Variants in CDK9 observed in about 807,000 individuals in gnomAD.
CDK9 encodes cyclin-dependent kinase 9.
A neutral mutation model predicts 39.0 loss-of-function variants in CDK9; 34 were observed. The ratio of observed to expected loss-of-function variants is 0.87; its 90% CI spans 0.66 to 1.16. CDK9 has a LOEUF of 1.16. CDK9 is among the 50% of genes most tolerant of loss of function. CDK9 has a pLI of 0.00. For synonymous variants in CDK9, 233 were observed against 196.2 expected (o/e 1.19, Z -1.57); for missense variants, 369 against 503.2 (o/e 0.73, Z 2.55).
intron 2 of CDK9, 160 bp from the exon 3 acceptor site, chr9:127,787,358 G>A: frequency 1.8e-6 from 1 of 547,078 alleles, no homozygotes. Flanking sequence ...CTTGAAGTGT[G>A]CATGCTACTA....
intron 2 of CDK9, 43 bp downstream of exon 2, chr9:127,786,825 G>C (rs1829330467): frequency 2.5e-6 from 4 of 1,572,210 alleles, no homozygotes; most frequent in Non-Finnish European, 3.5e-6. Flanking sequence ...CTAACTGCCC[G>C]GGACCCCGGG....
chr9:127,786,282 C>T (rs780276638), intron 1 of CDK9, 42 bp downstream of exon 1: 6 of 1,494,022 alleles, frequency 4.0e-6, no homozygotes, highest in South Asian at 2.3e-5. Flanking sequence ...TGGGCCTGCA[C>T]CCCTAGGGCC....
chr9:127,788,397 C>G lies in CDK9; in HGVS notation c.604+12C>G. 5 of 1,609,038 alleles carry G rather than the reference C, an allele frequency of 3.1e-6. No individual in the cohort carries two copies. Among genetic ancestry groups the G allele is most frequent in the East Asian group, 2.2e-5 (1 of 44,802 alleles). ...GGAGCTGTTGCTCGGTGAGGACTCC[C>G]GAGCGGGCCAAGGGGGGTGAGGGCC... is the stretch of plus-strand genomic sequence containing the variant. On this transcript the variant is annotated intron_variant, in intron 5 of 6. Coordinates refer to ENST00000373264, the MANE Select transcript of CDK9 (RefSeq NM_001261.4).
chr9:127,788,197 T>C lies in CDK9; in HGVS notation c.433-17T>C, dbSNP rs779013986. ...GGGTGGATGTCACTAAAGGACCCAC[T>C]CTTGCCCTTCCTGCAGATCCTGCAT... On this transcript the variant is annotated splice_polypyrimidine_tract_variant and intron_variant, in intron 4 of 6. Coordinates refer to ENST00000373264, the MANE Select transcript of CDK9 (RefSeq NM_001261.4). 3 of 1,613,920 alleles carry C rather than the reference T, an allele frequency of 1.9e-6. No individual in the cohort carries two copies. The Admixed American group carries it at 5.0e-5, about 27-fold the overall frequency.
Position 127,788,047 on chromosome 9 carries a change from GCTGT to G in CDK9, c.370_373del (p.Ser124ArgfsTer5). On this transcript the variant is annotated frameshift_variant, in exon 4 of 7. Coordinates refer to ENST00000373264, the MANE Select transcript of CDK9 (RefSeq NM_001261.4). LOFTEE classifies it high-confidence loss of function. ...TGAGCAATGTTTTGGTCAAGTTCAC[GCTGT>G]CTGAGATCAAGAGGGTGATGCAGAT... The G allele has an allele frequency of 6.2e-7, 1 of 1,614,190 alleles. No homozygotes were observed. The highest frequency in any genetic ancestry group is 1.1e-5 in the South Asian group (1 of 91,086).
Position 127,787,568 on chromosome 9 carries a change from C to G in CDK9, c.225C>G (p.His75Gln). The G allele has an allele frequency of 6.2e-7, 1 of 1,613,568 alleles. No individual in the cohort carries two copies. The highest frequency in any genetic ancestry group is 8.5e-7 in the Non-Finnish European group (1 of 1,179,510). Reference sequence around the variant, plus strand: ...TCAAGATCCTTCAGCTTCTAAAACACGAGAATGTGGTCAACTTGATTGAGA... The same window carrying G: ...TCAAGATCCTTCAGCTTCTAAAACAGGAGAATGTGGTCAACTTGATTGAGA... ...REIKILQLLK[H>Q]ENVVNLIEIC... Residue 75 changes from histidine to glutamine, a missense_variant, in exon 3 of 7, where the codon CAC becomes CAG. Physicochemically the swap from His to Gln is conservative, Grantham distance 24. Transcript: ENST00000373264.
intron 2 of CDK9, among the ~76,000 whole-genome samples, chr9:127,787,046 A>T (rs765995111): frequency 6.6e-6 from 1 of 152,080 alleles, no homozygotes; most frequent in Non-Finnish European, 1.5e-5. Context: ...ACCTTTTTTT[A>T]GTGTTAAATT....
chr9:127,786,651 C>A, intron 1 of CDK9, 50 bp from the exon 2 acceptor site: 2 of 1,499,202 alleles, frequency 1.3e-6, no homozygotes, highest in South Asian at 1.2e-5. Flanking sequence ...GAGGGGCGGG[C>A]CCTGCGGAAA....
At position 127,787,532 on chromosome 9, in the gene CDK9, C is replaced by A. The variant is rs34238383; in HGVS notation, c.189C>A (p.Ala63=). The change falls in exon 3 of 7, where the codon GCC becomes GCA. Residue 63 remains alanine, a synonymous_variant. Transcript: ENST00000373264. ...ENEKEGFPIT[A]LREIKILQLL... ...TTCTCACCCAGTTCCCCATTACAGC[C>A]TTGCGGGAGATCAAGATCCTTCAGC... The A allele has an allele frequency of 4.2e-3, 6,850 of 1,612,634 alleles. 15 individuals carry two copies. The highest frequency in any genetic ancestry group is 5.4e-3 in the Admixed American group (327 of 60,008).
At position 127,787,592 on chromosome 9, in the gene CDK9, G is replaced by A; in HGVS notation, c.249G>A (p.Glu83=). 6.2e-7 allele frequency: 1 copy of A among 1,611,906 alleles called. No homozygotes were observed. The highest frequency in any genetic ancestry group is 8.5e-7 in the Non-Finnish European group (1 of 1,177,972). ...LKHENVVNLI[E]ICRTKASPYN... ...ACGAGAATGTGGTCAACTTGATTGA[G>A]ATTTGTCGAACCAAAGGTAAGTTAT... The change falls in exon 3 of 7, where the codon GAG becomes GAA. Residue 83 remains glutamate (E), a synonymous_variant. Transcript: ENST00000373264.
rs375012308 is a variant in CDK9 at position 127,788,697 on chromosome 9, G to A, written c.753+5G>A. 11 of 1,589,504 alleles carry A rather than the reference G, an allele frequency of 6.9e-6. No homozygotes were observed. In the African/African-American group the frequency reaches 1.1e-4, roughly 16 times the overall value. On this transcript the variant is annotated splice_donor_5th_base_variant and intron_variant, in intron 6 of 6. Coordinates refer to ENST00000373264, the MANE Select transcript of CDK9 (RefSeq NM_001261.4). The stretch of plus-strand genomic sequence containing the variant: ...TGCGGCTCCATCACCCCTGAGGTAC[G>A]GGGCCCCGGTCCCCACGGGGTGCAG...
At chr9:127,787,922 T>C in intron 3 of CDK9, 25 bp from the exon 4 acceptor site, 1 of 1,612,128 alleles carries the variant, frequency 6.2e-7, no homozygotes. Context: ...TTCTTGACTT[T>C]TTCTTCTTTC....
At position 127,789,216 on chromosome 9, in the gene CDK9, G is replaced by T; in HGVS notation, c.792G>T (p.Lys264Asn). The T allele has an allele frequency of 6.2e-7, 1 of 1,605,736 alleles. No individual in the cohort carries two copies. The highest frequency in any genetic ancestry group is 8.5e-7 in the Non-Finnish European group (1 of 1,174,098). The change falls in exon 7 of 7, where the codon AAG (lysine) becomes AAT (asparagine). Residue 264 changes from lysine to asparagine, a missense_variant. Transcript: ENST00000373264. The surrounding 1 kb of genome is among the most constrained non-coding windows in gnomAD (Gnocchi z 5.2). Reference sequence around the variant, plus strand: ...TGGACAACTATGAGCTGTACGAAAAGCTGGAGCTGGTCAAGGGCCAGAAGC... The same window carrying T: ...TGGACAACTATGAGCTGTACGAAAATCTGGAGCTGGTCAAGGGCCAGAAGC... ...PNVDNYELYE[K>N]LELVKGQKRK...
chr9:127,787,682 C>T (rs1829355499), intron 3 of CDK9, 74 bp downstream of exon 3: 6 of 1,128,192 alleles, frequency 5.3e-6, no homozygotes, highest in South Asian at 1.2e-5. Context: ...GAACTAGGCA[C>T]ACCTAAACTG....
rs1156517816 is a variant in CDK9, at chr9:127,789,183, G to A, written c.759G>A (p.Trp253Ter). Reference protein sequence around the residue: ...QLCGSITPEVWPNVDNYELYE... With the variant: ...QLCGSITPEV ...CAACGCCCCCTCCCTCCCAGGTGTG[G>A]CCAAACGTGGACAACTATGAGCTGT... The change falls in exon 7 of 7, where the codon TGG (tryptophan) becomes TGA (stop). Residue 253 changes from tryptophan to a stop codon, truncating the protein, a stop_gained. Transcript: ENST00000373264. LOFTEE classifies it high-confidence loss of function. This position sits in a 1 kb window ranked among gnomAD's most constrained non-coding sequence, Gnocchi z 5.2. 1 of 1,572,912 alleles carries A rather than the reference G, an allele frequency of 6.4e-7. No homozygotes were observed. The highest frequency in any genetic ancestry group is 8.7e-7 in the Non-Finnish European group (1 of 1,154,994).
chr9:127,787,655 T>G (rs780402171), intron 3 of CDK9, 47 bp downstream of exon 3: 3 of 1,428,580 alleles, frequency 2.1e-6, no homozygotes, highest in Non-Finnish European at 3.0e-6. Context: ...TAGCCTAAGG[T>G]TTTGTTTGTA....
In CDK9 at chr9:127,789,362, ACTT is replaced by A; in HGVS notation, c.944_946del (p.Phe315del). ...GACAGCGATGACGCCCTCAACCACG[ACTT>A]CTTCTGGTCCGACCCCATGCCCTCC... On this transcript the variant is annotated inframe_deletion, in exon 7 of 7. Coordinates refer to ENST00000373264, the MANE Select transcript of CDK9 (RefSeq NM_001261.4). The surrounding 1 kb of genome is among the most constrained non-coding windows in gnomAD (Gnocchi z 5.2). 1.2e-6 allele frequency: 2 copies of A among 1,613,878 alleles called. No homozygotes were observed. Among genetic ancestry groups the A allele is most frequent in the Non-Finnish European group, 1.7e-6 (2 of 1,180,004 alleles).
Position 127,786,634 on chromosome 9 carries a change from A to G in CDK9, c.93-67A>G, listed in dbSNP as rs541621403. The G allele has an allele frequency of 3.5e-4, 470 of 1,359,888 alleles. 1 individual carries two copies. The highest frequency in any genetic ancestry group is 4.2e-4 in the Non-Finnish European group (404 of 967,958). The allele number at this position is 1,359,888 out of a possible 1,614,324, so 84.2% of individuals were successfully genotyped here. On this transcript the variant is annotated intron_variant, in intron 1 of 6. Transcript: ENST00000373264. ...TCTTTGCTGCTGCCCCTCCTCCTGT[A>G]GTGGGGGAGGGGCGGGCCCTGCGGA...
At chr9:127,787,480 C>A in intron 2 of CDK9, 38 bp from the exon 3 acceptor site, 1 of 1,442,052 alleles carries the variant, frequency 6.9e-7, no homozygotes, top group Non-Finnish European at 9.8e-7. Flanking sequence ...CTCTGTACTG[C>A]GCTCACTCTT....
Sources: gnomAD v4.1 joint callset for allele counts (sites outside exome capture counted in the v4.1 genomes callset) on GRCh38, gnomAD v4.1.1 for gene constraint, Gnocchi (gnomAD v3.1) non-coding constraint, MANE v1.5 for transcripts, NCBI Gene and HGNC (gene_info 2026-07-23, HGNC 2026-07-21) for gene names.